Variants in RIT2 observed in about 807,000 individuals in gnomAD.
RIT2 encodes Ras like without CAAX 2.
Under a neutral mutation model 23.7 loss-of-function variants are expected in RIT2, and 24 were observed. That is an observed-to-expected ratio of 1.01 (90% CI 0.73 to 1.43). The LOEUF is 1.43. RIT2 is among the 40% of genes most tolerant of loss of function. The pLI, the probability that RIT2 is intolerant of heterozygous loss-of-function variation, is 0.00. For synonymous variants in RIT2, 107 were observed against 91.1 expected, an observed-to-expected ratio of 1.17 and a Z score of -0.99; for missense variants, 236 against 266.9, an observed-to-expected ratio of 0.88 and a Z score of 0.81.
chr18:42,891,625 A>T (rs2144094253), intron 4 of RIT2, among the ~76,000 whole-genome samples: 1 of 152,304 alleles, frequency 6.6e-6, no homozygotes, highest in Non-Finnish European at 1.5e-5. Flanking sequence ...CATATTATTA[A>T]GTGACAGAAG....
At chr18:42,944,927 A>G (rs549612189) in intron 3 of RIT2, among the ~76,000 whole-genome samples, 2 of 152,240 alleles carry the variant, frequency 1.3e-5, no homozygotes, top group East Asian at 3.9e-4. Flanking sequence ...TCACTTCTGG[A>G]AAGTCTCTCT....
intron 4 of RIT2, among the ~76,000 whole-genome samples, chr18:42,833,507 C>T (rs1487609210): frequency 6.6e-6 from 1 of 152,102 alleles, no homozygotes; most frequent in Non-Finnish European, 1.5e-5. Context: ...AGAGGATAAA[C>T]TCTATGGGCA....
chr18:43,091,400 C>T (rs944731044), intron 1 of RIT2, among the ~76,000 whole-genome samples: 1 of 151,978 alleles, frequency 6.6e-6, no homozygotes, highest in Non-Finnish European at 1.5e-5. Flanking sequence ...TCACTAATAT[C>T]TTTGGGTAGG....
At chr18:42,814,981 T>C (rs533266696) in intron 4 of RIT2, among the ~76,000 whole-genome samples, 153 of 152,156 alleles carry the variant, frequency 1.0e-3, no homozygotes, top group African/African-American at 3.5e-3. Flanking sequence ...GGGACAGTAG[T>C]ACATCAGGGG....
intron 4 of RIT2, among the ~76,000 whole-genome samples, chr18:42,863,373 C>T (rs117464415): frequency 0.016 from 2,467 of 152,130 alleles, 37 homozygotes; most frequent in Non-Finnish European, 0.022. Flanking sequence ...AATCAAAGGA[C>T]CCTTAACCTT....
chr18:43,065,153 A>T (rs1912739827), intron 1 of RIT2, among the ~76,000 whole-genome samples: 1 of 148,228 alleles, frequency 6.7e-6, no homozygotes, highest in Non-Finnish European at 1.5e-5. Flanking sequence ...GTTTAGTGAG[A>T]TGTGTCAGGT....
rs1912840550 is a variant in RIT2 at position 42,743,490 on chromosome 18, A to T, written c.*3T>A. Reference sequence around the variant, plus strand: ...GAGCGTGAGGAACTCAAAAGCAAAGATATCATGTCATATTTTCTCTCTTCT... The same window carrying T: ...GAGCGTGAGGAACTCAAAAGCAAAGTTATCATGTCATATTTTCTCTCTTCT... On this transcript the variant is annotated 3_prime_UTR_variant, in exon 5 of 5. Transcript: ENST00000326695. 1 of 1,602,398 alleles carries T rather than the reference A, an allele frequency of 6.2e-7. No individual in the cohort carries two copies.
At chr18:43,081,024 C>T (rs1238066151) in intron 1 of RIT2, among the ~76,000 whole-genome samples, 2 of 152,092 alleles carry the variant, frequency 1.3e-5, no homozygotes, top group Non-Finnish European at 2.9e-5. Flanking sequence ...TGAAAGTTTC[C>T]TTTTAAACAA....
intron 1 of RIT2, among the ~76,000 whole-genome samples, chr18:43,088,429 T>C (rs1913337116): frequency 6.6e-6 from 1 of 152,198 alleles, no homozygotes. Context: ...AGTCTCTATC[T>C]TGAGGAATAT....
Position 42,787,445 on chromosome 18 carries a change from G to A in RIT2, c.427-43725C>T, listed in dbSNP as rs555353804. On this transcript the variant is annotated intron_variant, in intron 4 of 4. Coordinates refer to ENST00000326695, the MANE Select transcript of RIT2 (RefSeq NM_002930.4). ...TATAATTTAAAAAAAGAAAAAAAAA[G>A]AATATAATAAACACTCAATGCAGAA... 6.1e-5 allele frequency among the ~76,000 whole-genome samples: 9 copies of A among 147,270 alleles called. No individual in the cohort carries two copies. In the East Asian group the frequency reaches 1.8e-3, roughly 30 times the overall value.
intron 4 of RIT2, among the ~76,000 whole-genome samples, chr18:42,813,240 A>G (rs1905901748): frequency 6.6e-6 from 1 of 152,210 alleles, no homozygotes; most frequent in African/African-American, 2.4e-5. Flanking sequence ...AGGTTCTCTT[A>G]TTAAAATAAA....
chr18:42,955,702 T>C (rs1045484014), intron 3 of RIT2, among the ~76,000 whole-genome samples: 8 of 152,222 alleles, frequency 5.3e-5, no homozygotes, highest in Non-Finnish European at 1.0e-4. Flanking sequence ...GTCCTTTTTA[T>C]TGAGATTTAA....
chr18:42,901,046 T>C (rs900076183), intron 4 of RIT2, among the ~76,000 whole-genome samples: 3 of 152,066 alleles, frequency 2.0e-5, no homozygotes, highest in African/African-American at 7.2e-5. Flanking sequence ...GATGGTTCCT[T>C]GGTATGAGAC....
chr18:42,850,010 G>A (rs1907008095), intron 4 of RIT2, among the ~76,000 whole-genome samples: 2 of 151,656 alleles, frequency 1.3e-5, no homozygotes, highest in South Asian at 2.1e-4. Flanking sequence ...AAGGTCCAAA[G>A]TTCATGTCCC....
At chr18:43,053,298 G>A (rs760089634) in intron 1 of RIT2, among the ~76,000 whole-genome samples, 1 of 152,010 alleles carries the variant, frequency 6.6e-6, no homozygotes, top group Non-Finnish European at 1.5e-5. Context: ...TTGAGGCACA[G>A]GGAGTTTAGG....
intron 3 of RIT2, among the ~76,000 whole-genome samples, chr18:42,953,716 G>T (rs1909907610): frequency 6.6e-6 from 1 of 152,124 alleles, no homozygotes; most frequent in African/African-American, 2.4e-5. Flanking sequence ...CCCCAGAAAA[G>T]TTCTTTCAAA....
At chr18:42,863,925 A>G (rs1907398943) in intron 4 of RIT2, among the ~76,000 whole-genome samples, 1 of 152,142 alleles carries the variant, frequency 6.6e-6, no homozygotes, top group Non-Finnish European at 1.5e-5. Context: ...AAGCCAAACT[A>G]ATTGCATCAG....
chr18:42,783,966 G>A (rs997747882), intron 4 of RIT2, among the ~76,000 whole-genome samples: 5 of 151,914 alleles, frequency 3.3e-5, no homozygotes, highest in African/African-American at 7.3e-5. Flanking sequence ...CCATAACTCA[G>A]CACTCCTGTA....
chr18:42,895,843 AAT>A (rs1236203609), intron 4 of RIT2, among the ~76,000 whole-genome samples: 1 of 152,206 alleles, frequency 6.6e-6, no homozygotes, highest in African/African-American at 2.4e-5. Context: ...GGGCTTAGTA[AAT>A]CATGAATAGG....
Sources: gnomAD v4.1 joint callset for allele counts (sites outside exome capture counted in the v4.1 genomes callset) on GRCh38, gnomAD v4.1.1 for gene constraint, MANE v1.5 for transcripts, NCBI Gene and HGNC (gene_info 2026-07-23, HGNC 2026-07-21) for gene names.